Variants in ZNF814 observed in about 807,000 individuals in gnomAD.
ZNF814 encodes the protein zinc finger protein 814.
A neutral mutation model predicts 7.5 loss-of-function variants in ZNF814; 5 were observed. That is an observed-to-expected ratio of 0.67 (90% CI 0.35 to 1.40). The LOEUF is 1.40. Ranked by LOEUF, ZNF814 falls within the 40% of genes most tolerant of loss-of-function variation. The probability of loss-of-function intolerance (pLI) is 0.04; values close to 1 mark genes in which losing one functional copy is unlikely to be tolerated. For synonymous variants in ZNF814, 315 were observed against 340.7 expected, an observed-to-expected ratio of 0.92 and a Z score of 0.83; for missense variants, 962 against 1,018.0, an observed-to-expected ratio of 0.94 and a Z score of 0.75.
At position 57,872,379 on chromosome 19, in the gene ZNF814, G is replaced by A. The variant is rs57919430; in HGVS notation, c.*443C>T. ...TGGGAAGTCTCCTGTGTGTTATGAA[G>A]CTAGATTTCTACATAAATATCTCAC... On this transcript the variant is annotated 3_prime_UTR_variant, in exon 3 of 3. Coordinates refer to ENST00000435989, the MANE Select transcript of ZNF814 (RefSeq NM_001144989.2). 2,420 of 210,820 alleles carry A rather than the reference G, an allele frequency of 0.011. 71 individuals carry two copies. The highest frequency in any genetic ancestry group is 0.051 in the African/African-American group (2,228 of 43,330). The allele number at this position is 210,820 out of a possible 1,614,324, so 13.1% of individuals were successfully genotyped here.
chr19:57,897,212 C>CTA, the ZNF814 span, among the ~76,000 whole-genome samples: 1 of 152,012 alleles, frequency 6.6e-6, no homozygotes, highest in East Asian at 1.9e-4. Context: ...TGTCAAAATG[C>CTA]TATTAGACCT....
chr19:57,899,696 G>C, the ZNF814 span, among the ~76,000 whole-genome samples: 2 of 152,150 alleles, frequency 1.3e-5, no homozygotes, highest in African/African-American at 4.8e-5. Flanking sequence ...CAAGTGAAAC[G>C]AATTAACCCT....
At chr19:57,893,885 A>G (rs911204796), upstream of ZNF814, among the ~76,000 whole-genome samples, 15 of 148,946 alleles carry the variant, frequency 1.0e-4, no homozygotes, top group African/African-American at 3.5e-4. Context: ...GCACCATTGC[A>G]CTCCAGCGTG....
At chr19:57,889,683 G>A (rs1347359581), upstream of ZNF814, among the ~76,000 whole-genome samples, 4 of 152,138 alleles carry the variant, frequency 2.6e-5, no homozygotes, top group Admixed American at 6.5e-5. Context: ...TGGCCAACAT[G>A]GTGAAACCCC....
chr19:57,903,779 C>T, the ZNF814 span, among the ~76,000 whole-genome samples: 11 of 152,134 alleles, frequency 7.2e-5, no homozygotes, highest in African/African-American at 2.4e-4. Context: ...ATGCGGAAGC[C>T]GCTTCTGGAG....
intron 2 of ZNF814, among the ~76,000 whole-genome samples, chr19:57,875,951 T>A (rs13344787): frequency 3.3e-5 from 1 of 29,928 alleles, no homozygotes; most frequent in Non-Finnish European, 7.2e-5. Flanking sequence ...CGCTTTTTTT[T>A]TTTTTTTTTT....
chr19:57,871,018 G>A lies in ZNF814; in HGVS notation c.*1804C>T, dbSNP rs2071553159. ...AAAAAAGAAAAAAAAGACATGAGTTGCAGTTACATTATTCTGTCTCCTCCA... is the reference window on the plus strand; with the variant it reads ...AAAAAAGAAAAAAAAGACATGAGTTACAGTTACATTATTCTGTCTCCTCCA... On this transcript the variant is annotated 3_prime_UTR_variant, in exon 3 of 3. Coordinates refer to ENST00000435989, the MANE Select transcript of ZNF814 (RefSeq NM_001144989.2). 1 of 151,998 alleles carries A rather than the reference G, an allele frequency of 6.6e-6. No homozygotes were observed. The highest frequency in any genetic ancestry group is 2.1e-4 in the South Asian group (1 of 4,826). 9.4% of individuals were successfully genotyped at this position (151,998 alleles called of 1,614,324 possible).
At position 57,872,037 on chromosome 19, in the gene ZNF814, T is replaced by G. The variant is rs554599842; in HGVS notation, c.*785A>C. On this transcript the variant is annotated 3_prime_UTR_variant, in exon 3 of 3. Transcript: ENST00000435989. ...GGCAACAGAATCACTTAAGCCCAGA[T>G]CAAGGGTGCAGTGAAATGTGAACAC... 1.4e-4 allele frequency among the ~76,000 whole-genome samples: 21 copies of G among 151,934 alleles called. 1 individual carries two copies. The highest frequency in any genetic ancestry group is 4.1e-4 in the South Asian group (2 of 4,832).
the ZNF814 span, among the ~76,000 whole-genome samples, chr19:57,900,867 A>G: frequency 0.03 from 291 of 9,548 alleles, 5 homozygotes; most frequent in Non-Finnish European, 0.05. Flanking sequence ...TTTTTTTTTG[A>G]GACGGAGTCT....
the ZNF814 span, among the ~76,000 whole-genome samples, chr19:57,901,095 C>G: frequency 6.6e-6 from 1 of 151,254 alleles, no homozygotes; most frequent in African/African-American, 2.4e-5. Flanking sequence ...CTTGGCCTCC[C>G]AAAGTGCTGG....
the ZNF814 span, among the ~76,000 whole-genome samples, chr19:57,898,939 CA>C: frequency 0.09 from 8,242 of 91,924 alleles, 631 homozygotes; most frequent in African/African-American, 0.3. Flanking sequence ...GACTCTGTCT[CA>C]AAAAAAAAAA....
intron 1 of ZNF814, among the ~76,000 whole-genome samples, chr19:57,887,782 C>G (rs2071705058): frequency 6.6e-6 from 1 of 152,118 alleles, no homozygotes; most frequent in African/African-American, 2.4e-5. Flanking sequence ...ATGAAGTTCC[C>G]AGGATTTTGC....
Position 57,874,023 on chromosome 19 carries a change from C to T in ZNF814, c.1367G>A (p.Arg456Gln), listed in dbSNP as rs769947692. 36 of 1,613,026 alleles carry T rather than the reference C, an allele frequency of 2.2e-5. No homozygotes were observed. In the South Asian group the frequency reaches 2.9e-4, roughly 13 times the overall value. The change falls in exon 3 of 3, where the codon CGA (arginine) becomes CAA (glutamine). Residue 456 changes from arginine to glutamine, a missense_variant. Arg to Gln is a conservative substitution (Grantham distance 43). Coordinates refer to ENST00000435989, the MANE Select transcript of ZNF814 (RefSeq NM_001144989.2). ...GAAAGGTCTTTCTCCGGCGTGAACT[C>T]GTTGATGGCTCCTAAGATGTCCTTC... Reference protein sequence around the residue: ...SSEGHLRSHQRVHAGERPFKC... With the variant: ...SSEGHLRSHQQVHAGERPFKC...
chr19:57,884,646 C>T (rs1389505948), intron 1 of ZNF814, among the ~76,000 whole-genome samples: 1 of 151,992 alleles, frequency 6.6e-6, no homozygotes, highest in Non-Finnish European at 1.5e-5. Flanking sequence ...CAATGACATA[C>T]AAATGGCAAA....
chr19:57,873,932 G>A lies in ZNF814; in HGVS notation c.1458C>T (p.His486=). 1 of 1,613,924 alleles carries A rather than the reference G, an allele frequency of 6.2e-7. No homozygotes were observed. Residue 486 remains histidine (H), a synonymous_variant, in exon 3 of 3, where the codon CAC becomes CAT. Transcript: ENST00000435989. The part of the protein sequence containing the change: ...KRSLVHHQRV[H]SGERPYQCGE... ...CACACTGATAAGGTCTTTCTCCACT[G>A]TGAACTCGCTGATGGTGAACAAGGC...
intron 1 of ZNF814, among the ~76,000 whole-genome samples, chr19:57,878,179 A>G (rs1223015848): frequency 2.6e-5 from 4 of 151,680 alleles, no homozygotes; most frequent in Admixed American, 2.0e-4. Flanking sequence ...AAAAAAAAAA[A>G]AAAAAAAAAT....
chr19:57,876,868 G>A, intron 2 of ZNF814, 48 bp downstream of exon 2: 1 of 1,608,604 alleles, frequency 6.2e-7, no homozygotes, highest in South Asian at 1.1e-5. Context: ...GAAAGATAGG[G>A]GAAAACAGAG....
chr19:57,874,044 CCTT>C lies in ZNF814; in HGVS notation c.1343_1345del (p.Glu448del), dbSNP rs757046224. The C allele has an allele frequency of 1.2e-6, 2 of 1,611,284 alleles. No homozygotes were observed. The highest frequency in any genetic ancestry group is 2.7e-5 in the African/African-American group (2 of 74,790). The stretch of plus-strand genomic sequence containing the variant: ...AACTCGTTGATGGCTCCTAAGATGT[CCTT>C]CTGAACTAAAAGATTTCCCACATTC... On this transcript the variant is annotated inframe_deletion, in exon 3 of 3. Coordinates refer to ENST00000435989, the MANE Select transcript of ZNF814 (RefSeq NM_001144989.2).
At chr19:57,889,728 G>A (rs544695765), upstream of ZNF814, among the ~76,000 whole-genome samples, 2 of 152,168 alleles carry the variant, frequency 1.3e-5, no homozygotes, top group East Asian at 3.9e-4. Flanking sequence ...AACCCACATG[G>A]TGACATGCGC....
Sources: allele counts gnomAD v4.1 joint callset (sites outside exome capture counted in the v4.1 genomes callset), GRCh38; gene constraint gnomAD v4.1.1; transcripts MANE v1.5; gene names NCBI Gene and HGNC (gene_info 2026-07-23, HGNC 2026-07-21).